The following DLG1 variants were observed in gnomAD, a reference collection of about 807,000 sequenced individuals.
The protein encoded by DLG1 is disks large homolog 1.
DLG1 carries 42 observed loss-of-function variants against 123.4 expected under a neutral mutation model. The ratio of observed to expected loss-of-function variants is 0.34; its 90% CI spans 0.27 to 0.44. DLG1 has a LOEUF of 0.44. Among genes scored for constraint, DLG1 ranks in the 20% least tolerant of loss-of-function variants. The probability of loss-of-function intolerance (pLI) is 1.00; values close to 1 mark genes in which losing one functional copy is unlikely to be tolerated. For missense variants in DLG1, 942 were observed against 1,082.6 expected (o/e 0.87, Z 1.82); for synonymous variants, 317 against 356.2 (o/e 0.89, Z 1.24).
chr3:197,205,653 C>T (rs1728149027), intron 4 of DLG1, among the ~76,000 whole-genome samples: 1 of 152,088 alleles, frequency 6.6e-6, no homozygotes, highest in African/African-American at 2.4e-5. Flanking sequence ...AAACTAAAAC[C>T]GACATTACAA....
chr3:197,298,181 A>C, intron 1 of DLG1: 1 of 239,612 alleles, frequency 4.2e-6, no homozygotes, highest in Non-Finnish European at 8.0e-6. Context: ...GCTCTCAGCC[A>C]ATGGGAAGTG....
intron 5 of DLG1, among the ~76,000 whole-genome samples, chr3:197,188,419 AAC>A (rs1184314127): frequency 4.6e-5 from 7 of 152,228 alleles, no homozygotes; most frequent in East Asian, 1.9e-4. Flanking sequence ...ACTGATGTCT[AAC>A]ACAGTTACTA....
In DLG1 at chr3:197,252,749, G is replaced by A. The variant is rs549759101; in HGVS notation, c.318+29930C>T. On this transcript the variant is annotated intron_variant, in intron 4 of 24. Transcript: ENST00000667157. ...GGTTAGGATAATTGTCCTCGTTTCAGTTTTACAAGATTAGAACAGAGTCTA... is the reference window on the plus strand; with the variant it reads ...GGTTAGGATAATTGTCCTCGTTTCAATTTTACAAGATTAGAACAGAGTCTA... Among the ~76,000 whole-genome samples, 7 of 152,264 alleles carry A rather than the reference G, an allele frequency of 4.6e-5. No individual in the cohort carries two copies. The East Asian group carries it at 1.2e-3, about 25-fold the overall frequency.
At chr3:197,269,824 T>C (rs1310069884) in intron 4 of DLG1, among the ~76,000 whole-genome samples, 1 of 152,186 alleles carries the variant, frequency 6.6e-6, no homozygotes, top group Non-Finnish European at 1.5e-5. Flanking sequence ...ATTTGAAAAA[T>C]AAGGTTATTA....
At chr3:197,296,795 C>T in intron 2 of DLG1, 1 of 350,836 alleles carries the variant, frequency 2.9e-6, no homozygotes, top group South Asian at 5.4e-5. Flanking sequence ...CCTGATAATG[C>T]AAAAGCAGAT....
chr3:197,216,935 T>C (rs1373559058), intron 4 of DLG1, among the ~76,000 whole-genome samples: 1 of 152,218 alleles, frequency 6.6e-6, no homozygotes, highest in Non-Finnish European at 1.5e-5. Flanking sequence ...ATAGCAACAC[T>C]GTAGATTAAT....
chr3:197,100,434 AAT>A (rs1177879673), intron 14 of DLG1, among the ~76,000 whole-genome samples: 4 of 152,226 alleles, frequency 2.6e-5, no homozygotes, highest in African/African-American at 9.6e-5. Context: ...GCGAAAATAA[AAT>A]ATGTCACAAA....
At chr3:197,084,745 TA>T (rs1299594729) in intron 16 of DLG1, among the ~76,000 whole-genome samples, 3 of 138,638 alleles carry the variant, frequency 2.2e-5, no homozygotes, top group Admixed American at 1.5e-4. Flanking sequence ...TGATTATTTT[TA>T]ATTTTTTTAT....
intron 4 of DLG1, among the ~76,000 whole-genome samples, chr3:197,269,347 C>T (rs1041305643): frequency 3.9e-5 from 6 of 152,086 alleles, no homozygotes; most frequent in Non-Finnish European, 8.8e-5. Flanking sequence ...TAAGGGATCC[C>T]TACTTAACAT....
intron 23 of DLG1, among the ~76,000 whole-genome samples, chr3:197,052,513 G>A (rs1192615526): frequency 2.6e-5 from 4 of 152,064 alleles, no homozygotes; most frequent in Non-Finnish European, 4.4e-5. Flanking sequence ...ACTAGATTTA[G>A]TCACTGAATA....
chr3:197,050,723 G>A (rs1374041378), intron 24 of DLG1, among the ~76,000 whole-genome samples: 1 of 152,170 alleles, frequency 6.6e-6, no homozygotes, highest in Non-Finnish European at 1.5e-5. Flanking sequence ...TTTAACATGA[G>A]TAAATTCTGG....
At chr3:197,232,731 A>C (rs1743884581) in intron 4 of DLG1, among the ~76,000 whole-genome samples, 1 of 152,012 alleles carries the variant, frequency 6.6e-6, no homozygotes, top group Non-Finnish European at 1.5e-5. Context: ...GTTGATCCTA[A>C]AATTACCATC....
chr3:197,218,424 C>T (rs1334746315), intron 4 of DLG1, among the ~76,000 whole-genome samples: 1 of 152,160 alleles, frequency 6.6e-6, no homozygotes, highest in African/African-American at 2.4e-5. Flanking sequence ...TTATCTCCAG[C>T]AAGTGCCAAA....
chr3:197,185,954 A>C (rs56764943), intron 5 of DLG1, among the ~76,000 whole-genome samples: 1,789 of 152,242 alleles, frequency 0.012, 29 homozygotes, highest in African/African-American at 0.041. Context: ...AGAGCCAAAG[A>C]ACTTAGGGTA....
chr3:197,093,323 T>C (rs928179180), intron 14 of DLG1, among the ~76,000 whole-genome samples: 6 of 152,168 alleles, frequency 3.9e-5, no homozygotes, highest in South Asian at 2.1e-4. Flanking sequence ...CATGCCCAGC[T>C]AATTTTTGCA....
intron 4 of DLG1, among the ~76,000 whole-genome samples, chr3:197,207,350 C>A (rs1329858967): frequency 6.6e-6 from 1 of 152,168 alleles, no homozygotes; most frequent in East Asian, 1.9e-4. Flanking sequence ...ACCAAAGTAT[C>A]CAAATGTCCG....
At chr3:197,112,036 T>G (rs1449421750) in intron 13 of DLG1, among the ~76,000 whole-genome samples, 2 of 152,244 alleles carry the variant, frequency 1.3e-5, no homozygotes, top group African/African-American at 4.8e-5. Flanking sequence ...ATTAGATGTA[T>G]GTTTAACTTC....
At chr3:197,119,595 G>A in intron 11 of DLG1, 65 bp from the exon 12 acceptor site, 1 of 1,432,782 alleles carries the variant, frequency 7.0e-7, no homozygotes, top group Non-Finnish European at 9.4e-7. Context: ...TTCCATTTAT[G>A]AGTGATTAAT....
At chr3:197,166,940 G>T (rs763447560) in intron 5 of DLG1, among the ~76,000 whole-genome samples, 6 of 151,998 alleles carry the variant, frequency 3.9e-5, no homozygotes, top group Non-Finnish European at 8.8e-5. Context: ...CAAACCATGG[G>T]TCTTTGAAGA....
Sources: gnomAD v4.1 joint callset for allele counts (sites outside exome capture counted in the v4.1 genomes callset) on GRCh38, gnomAD v4.1.1 for gene constraint, MANE v1.5 for transcripts, NCBI Gene and HGNC (gene_info 2026-07-23, HGNC 2026-07-21) for gene names.